GLIS1: variants seen among roughly 807,000 people sequenced by gnomAD.
GLIS1 encodes zinc finger protein GLIS1.
GLIS1 carries 24 observed loss-of-function variants against 63.8 expected under a neutral mutation model. The observed-to-expected ratio is 0.38, with a 90% CI of 0.27 to 0.53. GLIS1 has a LOEUF of 0.53. Among genes scored for constraint, GLIS1 ranks in the 20% least tolerant of loss-of-function variants. GLIS1 has a pLI of 0.85. For synonymous variants in GLIS1, 450 were observed against 482.5 expected (o/e 0.93, Z 0.88); for missense variants, 1,036 against 1,074.1 (o/e 0.96, Z 0.50).
intron 2 of GLIS1, among the ~76,000 whole-genome samples, chr1:53,601,602 G>C (rs1298991909): frequency 6.6e-6 from 1 of 152,162 alleles, no homozygotes; most frequent in Non-Finnish European, 1.5e-5. Context: ...TGCTGTCCAA[G>C]GGAGGCCTGA....
chr1:53,711,187 AC>A (rs1318852796), intron 2 of GLIS1, among the ~76,000 whole-genome samples: 2 of 152,206 alleles, frequency 1.3e-5, no homozygotes, highest in East Asian at 3.9e-4. Flanking sequence ...TGCCCTGTAA[AC>A]CCCAGAGATG....
rs115834277 is a variant in GLIS1, at chr1:53,639,425, C to T, written c.260-39147G>A. Among the ~76,000 whole-genome samples, 2,466 of 152,180 alleles carry T rather than the reference C, an allele frequency of 0.016. 68 individuals are homozygous for T. The highest frequency in any genetic ancestry group is 0.056 in the African/African-American group (2,326 of 41,502). ...CTGGACTGAGCCGCCACTCTGAGAA[C>T]GCCTGTCCCTCTCGGGGCTGGCAGG... is the stretch of plus-strand genomic sequence containing the variant. On this transcript the variant is annotated intron_variant, in intron 2 of 10. Coordinates refer to ENST00000628545, the MANE Select transcript of GLIS1 (RefSeq NM_001367484.1). This position sits in a 1 kb window ranked among gnomAD's most constrained non-coding sequence, Gnocchi z 4.6.
intron 2 of GLIS1, among the ~76,000 whole-genome samples, chr1:53,685,611 T>C (rs989386148): frequency 2.0e-5 from 3 of 150,876 alleles, no homozygotes; most frequent in Admixed American, 6.6e-5. Context: ...TTTGTGTTTT[T>C]TCCCCTCTCT....
chr1:53,532,768 T>C (rs1451284573), intron 4 of GLIS1, among the ~76,000 whole-genome samples: 1 of 151,942 alleles, frequency 6.6e-6, no homozygotes, highest in Non-Finnish European at 1.5e-5. Flanking sequence ...TGTGGGAGAG[T>C]GCTGGAAGGT....
chr1:53,677,311 T>A (rs1392593272), intron 2 of GLIS1, among the ~76,000 whole-genome samples: 1 of 152,174 alleles, frequency 6.6e-6, no homozygotes, highest in Admixed American at 6.5e-5. Flanking sequence ...ATGCCCACCT[T>A]CCAGGTGAGA....
At chr1:53,707,799 T>C (rs1646595920) in intron 2 of GLIS1, among the ~76,000 whole-genome samples, 1 of 151,968 alleles carries the variant, frequency 6.6e-6, no homozygotes, top group African/African-American at 2.4e-5. Context: ...AGGATCCTCC[T>C]GCCTCAGCCT....
At chr1:53,685,005 G>A (rs888492869) in intron 2 of GLIS1, among the ~76,000 whole-genome samples, 2 of 152,210 alleles carry the variant, frequency 1.3e-5, no homozygotes, top group African/African-American at 4.8e-5. Context: ...GGGACCCAGA[G>A]GAGACACCTG....
intron 2 of GLIS1, among the ~76,000 whole-genome samples, chr1:53,713,000 G>A (rs1425696430): frequency 6.6e-6 from 1 of 152,060 alleles, no homozygotes; most frequent in Non-Finnish European, 1.5e-5. Context: ...GATGCAGAGG[G>A]AAAAAAGAGA....
chr1:53,738,836 G>C (rs2100591257), intron 1 of GLIS1, among the ~76,000 whole-genome samples: 1 of 152,306 alleles, frequency 6.6e-6, no homozygotes, highest in Admixed American at 6.5e-5. Context: ...CACGCCCGGG[G>C]ACGGACACGC....
At position 53,676,058 on chromosome 1, in the gene GLIS1, G is replaced by A. The variant is rs181930361; in HGVS notation, c.259+61748C>T. ...CCTCTTTTATTTTGAAGAAGAAATC[G>A]TAGACTTGGTTCACAATTCAGGGAA... On this transcript the variant is annotated intron_variant, in intron 2 of 10. Transcript: ENST00000628545. Among the ~76,000 whole-genome samples, 40 of 152,212 alleles carry A rather than the reference G, an allele frequency of 2.6e-4. No homozygotes were observed. The South Asian group carries it at 5.4e-3, about 21-fold the overall frequency.
In GLIS1 at chr1:53,509,751, A is replaced by C. The variant is rs1569711403; in HGVS notation, c.2062+98T>G. On this transcript the variant is annotated intron_variant, in intron 9 of 10. Transcript: ENST00000628545. The stretch of plus-strand genomic sequence containing the variant: ...GTGCCCAGCCGGTCATTCTCTGAGT[A>C]CCTGCCTCCCCCACTAGGTCACTGT... 11 of 723,178 alleles carry C rather than the reference A, an allele frequency of 1.5e-5. No homozygotes were observed. In the South Asian group the frequency reaches 7.1e-4, roughly 47 times the overall value. The allele number at this position is 723,178 out of a possible 1,614,324, so 44.8% of individuals were successfully genotyped here. A position where few individuals can be genotyped will look rare whatever the true frequency, so the allele number is the denominator to read the frequency against.
chr1:53,734,592 A>G (rs1160771322), intron 2 of GLIS1, among the ~76,000 whole-genome samples: 1 of 152,232 alleles, frequency 6.6e-6, no homozygotes, highest in Non-Finnish European at 1.5e-5. Flanking sequence ...TCACATTAAT[A>G]ACAGCCAGTA....
intron 3 of GLIS1, among the ~76,000 whole-genome samples, chr1:53,596,969 A>G (rs930979065): frequency 6.6e-6 from 1 of 151,992 alleles, no homozygotes; most frequent in East Asian, 1.9e-4. Flanking sequence ...CAGGTCCCTG[A>G]CCTTGGGCAG....
intron 2 of GLIS1, among the ~76,000 whole-genome samples, chr1:53,682,496 G>A (rs1333262735): frequency 6.6e-6 from 1 of 152,236 alleles, no homozygotes; most frequent in Non-Finnish European, 1.5e-5. Context: ...TCCCCATAAG[G>A]GATGCTGAGG....
At chr1:53,640,507 A>G (rs531573812) in intron 2 of GLIS1, among the ~76,000 whole-genome samples, 1 of 152,200 alleles carries the variant, frequency 6.6e-6, no homozygotes, top group African/African-American at 2.4e-5. Context: ...TCAGGCCCCC[A>G]GCACCCCGCT....
intron 2 of GLIS1, among the ~76,000 whole-genome samples, chr1:53,701,998 GAAAAA>G (rs919008620): frequency 8.9e-5 from 5 of 56,296 alleles, no homozygotes; most frequent in Admixed American, 1.9e-4. Context: ...ACCTAAAAAA[GAAAAA>G]AAAAAAAAAA....
chr1:53,675,725 A>T (rs573040172), intron 2 of GLIS1, among the ~76,000 whole-genome samples: 1 of 152,046 alleles, frequency 6.6e-6, no homozygotes, highest in Non-Finnish European at 1.5e-5. Flanking sequence ...GCTTATAGAG[A>T]TGCAGCTCTC....
chr1:53,692,036 C>T (rs768682442), intron 2 of GLIS1, among the ~76,000 whole-genome samples: 1 of 152,150 alleles, frequency 6.6e-6, no homozygotes, highest in Non-Finnish European at 1.5e-5. Context: ...TCACACCCAG[C>T]CTGCAGCCCA....
Position 53,511,068 on chromosome 1 carries a change from G to A in GLIS1, c.1884-1041C>T, listed in dbSNP as rs541105930. ...CTACCTTCCTAAGCCCCTGGGCCCC[G>A]TTCACAGGGGCTAAAATGACTTTGG... is the stretch of plus-strand genomic sequence containing the variant. On this transcript the variant is annotated intron_variant, in intron 8 of 10. Coordinates refer to ENST00000628545, the MANE Select transcript of GLIS1 (RefSeq NM_001367484.1). This position sits in a 1 kb window ranked among gnomAD's most constrained non-coding sequence, Gnocchi z 4.2. 1.4e-4 allele frequency among the ~76,000 whole-genome samples: 21 copies of A among 152,322 alleles called. No homozygotes were observed. The highest frequency in any genetic ancestry group is 1.1e-3 in the Admixed American group (17 of 15,308).
Sources: gnomAD v4.1 joint callset for allele counts (sites outside exome capture counted in the v4.1 genomes callset) on GRCh38, gnomAD v4.1.1 for gene constraint, Gnocchi (gnomAD v3.1) non-coding constraint, MANE v1.5 for transcripts, NCBI Gene and HGNC (gene_info 2026-07-23, HGNC 2026-07-21) for gene names.